Variants in STMN1 observed in about 807,000 individuals in gnomAD.
The protein encoded by STMN1 is stathmin.
A neutral mutation model predicts 19.7 loss-of-function variants in STMN1; 3 were observed. The observed-to-expected ratio is 0.15, with a 90% CI of 0.07 to 0.39. STMN1 has a LOEUF of 0.39. Ranked by LOEUF, STMN1 falls within the 10% of genes least tolerant of loss-of-function variation. STMN1 has a pLI of 1.00. For synonymous variants in STMN1, 59 were observed against 58.9 expected (o/e 1.00, Z -0.01); for missense variants, 99 against 176.0 (o/e 0.56, Z 2.48).
At chr1:25,905,647 G>A (rs2048933124) in intron 1 of STMN1, among the ~76,000 whole-genome samples, 1 of 152,152 alleles carries the variant, frequency 6.6e-6, no homozygotes, top group African/African-American at 2.4e-5. Flanking sequence ...GGAGGGGTGG[G>A]CGGGGCTAAC....
chr1:25,889,726 C>G lies in STMN1; in HGVS notation c.379-3857G>C, dbSNP rs564837868. Among the ~76,000 whole-genome samples the G allele has an allele frequency of 1.1e-4, 16 of 152,296 alleles. No individual in the cohort carries two copies. The East Asian group carries it at 1.7e-3, about 17-fold the overall frequency. ...ATGTAATCTGATCACATCACTCCCC[C>G]CTTAAAGCCCTTCAAAACTGCATCA... On this transcript the variant is annotated intron_variant, in intron 4 of 4. Coordinates refer to the STMN1 transcript ENST00000426559.
chr1:25,890,880 C>A (rs897133383), intron 4 of STMN1, among the ~76,000 whole-genome samples: 12 of 152,118 alleles, frequency 7.9e-5, no homozygotes, highest in African/African-American at 2.9e-4. Flanking sequence ...CAGAATGGGA[C>A]CCCCGCCATC....
chr1:25,901,135 AAAAAG>A (rs747341519), intron 4 of STMN1, 48 bp from the exon 5 acceptor site: 3 of 1,576,700 alleles, frequency 1.9e-6, no homozygotes, highest in African/African-American at 1.4e-5. Context: ...AAAAAAAAAA[AAAAAG>A]CCTGTCAAGT....
At chr1:25,895,099 CTTTTTTTTTTTTT>C (rs34587140) in intron 4 of STMN1, among the ~76,000 whole-genome samples, 7,993 of 113,430 alleles carry the variant, frequency 0.07, 747 homozygotes, top group African/African-American at 0.23. Context: ...TATTATACGT[CTTTTTTTTTTTTT>C]TTTTTTTTGA....
exon 5 of STMN1, chr1:25,885,786 A>G (rs1282980567): frequency 1.9e-6 from 3 of 1,551,782 alleles, no homozygotes; most frequent in East Asian, 4.9e-5. Context: ...GGGCTGGGCA[A>G]AGGGCAGGAA....
Position 25,900,615 on chromosome 1 carries a change from G to A in STMN1, c.*401C>T. The A allele has an allele frequency of 2.0e-6, 2 of 992,010 alleles. No homozygotes were observed. The highest frequency in any genetic ancestry group is 2.4e-6 in the Non-Finnish European group (2 of 834,244). 61.5% of individuals were successfully genotyped at this position (992,010 alleles called of 1,614,324 possible). ...AACCATTCAAGTCCAGTAGCATCTG[G>A]TAAGATTGGGACAGAATTGGGATTG... is the stretch of plus-strand genomic sequence containing the variant. On this transcript the variant is annotated 3_prime_UTR_variant, in exon 5 of 5. Coordinates refer to ENST00000455785, the MANE Select transcript of STMN1 (RefSeq NM_005563.4).
At chr1:25,889,204 T>G (rs1455237401) in intron 4 of STMN1, 1 of 297,336 alleles carries the variant, frequency 3.4e-6, no homozygotes, top group African/African-American at 2.2e-5. Context: ...TATCTGCAGT[T>G]AGACATGTTT....
chr1:25,894,077 AC>A (rs1342971293), intron 4 of STMN1, among the ~76,000 whole-genome samples: 3 of 152,242 alleles, frequency 2.0e-5, no homozygotes, highest in Non-Finnish European at 4.4e-5. Flanking sequence ...AGAGGAGAGC[AC>A]AGGTCTCCCT....
At chr1:25,886,248 G>GGAGGGAAGGGCA (rs1293293779) in intron 4 of STMN1, among the ~76,000 whole-genome samples, 3 of 152,144 alleles carry the variant, frequency 2.0e-5, no homozygotes, top group Non-Finnish European at 4.4e-5. Flanking sequence ...GAGGACAGTG[G>GGAGGGAAGGGCA]GAGGGAAGGG....
At chr1:25,888,226 T>G (rs1441330531) in intron 4 of STMN1, among the ~76,000 whole-genome samples, 1 of 152,188 alleles carries the variant, frequency 6.6e-6, no homozygotes, top group Non-Finnish European at 1.5e-5. Context: ...TGTTGACTAT[T>G]TTGATTTGCT....
chr1:25,885,437 G>A (rs1572289116), downstream of STMN1: 11 of 256,634 alleles, frequency 4.3e-5, no homozygotes, highest in East Asian at 5.4e-4. Context: ...AGGCAAGAGT[G>A]GTCTGCTCTC....
chr1:25,901,204 T>C (rs1299584372), intron 4 of STMN1, 117 bp from the exon 5 acceptor site: 1 of 1,502,318 alleles, frequency 6.7e-7, no homozygotes, highest in East Asian at 2.3e-5. Flanking sequence ...AGTGCATATA[T>C]TACAGCCTGT....
downstream of STMN1, chr1:25,884,418 CG>C (rs2124216681): frequency 6.6e-6 from 1 of 152,120 alleles, no homozygotes; most frequent in South Asian, 2.1e-4. Flanking sequence ...AGACCCAGGC[CG>C]GGCGCAGTGG....
chr1:25,895,392 A>G (rs2048810910), downstream of STMN1, among the ~76,000 whole-genome samples: 1 of 152,134 alleles, frequency 6.6e-6, no homozygotes, highest in Non-Finnish European at 1.5e-5. Context: ...AGGCTATTAC[A>G]CGTCCTTTTA....
intron 4 of STMN1, among the ~76,000 whole-genome samples, chr1:25,888,352 A>AT (rs955588579): frequency 1.3e-5 from 2 of 152,216 alleles, no homozygotes; most frequent in Non-Finnish European, 2.9e-5. Context: ...GCAATTGCCC[A>AT]TAAGTCAGGC....
At chr1:25,903,836 T>C (rs777503240) in intron 2 of STMN1, 23 bp from the exon 3 acceptor site, 1 of 1,575,378 alleles carries the variant, frequency 6.3e-7, no homozygotes, top group Non-Finnish European at 8.6e-7. Context: ...ATATTTATAA[T>C]TCAGAAAACC....
intron 4 of STMN1, chr1:25,892,571 C>T (rs4659396): frequency 1.1e-5 from 11 of 981,726 alleles, no homozygotes; most frequent in African/African-American, 1.8e-5. Flanking sequence ...GCCGCTGAGC[C>T]GCTGAGGGTC....
downstream of STMN1, among the ~76,000 whole-genome samples, chr1:25,898,142 A>G (rs12037513): frequency 0.36 from 54,449 of 152,110 alleles, 10,172 homozygotes; most frequent in African/African-American, 0.47. Flanking sequence ...AAGAGCCTCC[A>G]CTGCTTAGAA....
chr1:25,900,280 C>A lies in STMN1; in HGVS notation c.*736G>T. 4 of 985,850 alleles carry A rather than the reference C, an allele frequency of 4.1e-6. No individual in the cohort carries two copies. The highest frequency in any genetic ancestry group is 4.8e-6 in the Non-Finnish European group (4 of 829,928). 61.1% of individuals were successfully genotyped at this position (985,850 alleles called of 1,614,324 possible). A position where few individuals can be genotyped will look rare whatever the true frequency, so the allele number is the denominator to read the frequency against. Reference sequence around the variant, plus strand: ...ACTGTTCTCTAGAAACACGCTTGTGCTTTTAATCTGCCTTTTAAAAGGGAC... The same window carrying A: ...ACTGTTCTCTAGAAACACGCTTGTGATTTTAATCTGCCTTTTAAAAGGGAC... On this transcript the variant is annotated 3_prime_UTR_variant, in exon 5 of 5. Coordinates refer to ENST00000455785, the MANE Select transcript of STMN1 (RefSeq NM_005563.4).
Sources: gnomAD v4.1 joint callset for allele counts (sites outside exome capture counted in the v4.1 genomes callset) on GRCh38, gnomAD v4.1.1 for gene constraint, MANE v1.5 for transcripts, NCBI Gene and HGNC (gene_info 2026-07-23, HGNC 2026-07-21) for gene names.